B4GALNT1: variants seen among roughly 807,000 people sequenced by gnomAD.
B4GALNT1 encodes the protein beta-1,4-N-acetyl-galactosaminyltransferase 1.
A neutral mutation model predicts 55.2 loss-of-function variants in B4GALNT1; 43 were observed. The observed-to-expected ratio is 0.78, with a 90% confidence interval of 0.61 to 1.00. The LOEUF (loss-of-function observed/expected upper bound fraction) is 1.00. Among genes scored for constraint, B4GALNT1 ranks in the 50% least tolerant of loss-of-function variants. The pLI is 0.00. For missense variants in B4GALNT1, 664 were observed against 729.7 expected, an observed-to-expected ratio of 0.91 and a Z score of 1.04; for synonymous variants, 305 against 311.6, an observed-to-expected ratio of 0.98 and a Z score of 0.22.
rs1288802579 is a variant in B4GALNT1 at position 57,629,094 on chromosome 12, G to A, written c.765C>T (p.His255=). 2 of 1,598,692 alleles carry A rather than the reference G, an allele frequency of 1.3e-6. No homozygotes were observed. The highest frequency in any genetic ancestry group is 1.7e-5 in the Admixed American group (1 of 59,192). ...GTGGGTACAGCCGAGGGTTGGGCGG[G>A]TGTCTTATGCGGATAGTGAAAGCAG... is the stretch of plus-strand genomic sequence containing the variant. ...HEAAFTIRIR[H]PPNPRLYPPG... Residue 255 remains histidine, a synonymous_variant, in exon 7 of 11, where the codon CAC becomes CAT. Transcript: ENST00000341156.
chr12:57,631,420 C>T, intron 2 of B4GALNT1, 56 bp from the exon 3 acceptor site: 1 of 1,589,116 alleles, frequency 6.3e-7, no homozygotes, highest in Non-Finnish European at 8.6e-7. Flanking sequence ...CTCCATTCAT[C>T]CCATAAACAC....
Position 57,628,188 on chromosome 12 carries a change from G to A in B4GALNT1, c.1077C>T (p.Phe359=), listed in dbSNP as rs541794502. ...CCAGCCGCGTCCGCGCCGTGAAGAC[G>A]AAGTCGTCGTCCACCCACAGCACGT... is the stretch of plus-strand genomic sequence containing the variant. ...TKYVLWVDDD[F]VFTARTRLER... Residue 359 remains phenylalanine, a synonymous_variant, in exon 9 of 11, where the codon TTC becomes TTT. Transcript: ENST00000341156. 6.8e-6 allele frequency: 11 copies of A among 1,614,260 alleles called. No homozygotes were observed. In the East Asian group the frequency reaches 1.8e-4, roughly 26 times the overall value.
Position 57,628,140 on chromosome 12 carries a change from C to T in B4GALNT1, c.1125G>A (p.Glu375=), listed in dbSNP as rs1472179368. The T allele has an allele frequency of 6.2e-7, 1 of 1,614,080 alleles. No homozygotes were observed. Among genetic ancestry groups the T allele is most frequent in the Non-Finnish European group, 8.5e-7 (1 of 1,180,038 alleles). ...TRLERLVDVL[E]RTPLDLVGGA... is the part of the protein sequence containing the mutation. ...GCCCTACCAGGTCCAGCGGCGTCCGCTCCAGCACGTCCACAAGCCTCTCCA... is the reference window on the plus strand; with the variant it reads ...GCCCTACCAGGTCCAGCGGCGTCCGTTCCAGCACGTCCACAAGCCTCTCCA... Residue 375 remains glutamate, a synonymous_variant, in exon 9 of 11, where the codon GAG becomes GAA. Transcript: ENST00000341156.
At position 57,624,631 on chromosome 12, in the gene B4GALNT1, GA is replaced by G. The variant is rs1374378206; in HGVS notation, c.*2112del. 2 of 715,258 alleles carry G rather than the reference GA, an allele frequency of 2.8e-6. No individual in the cohort carries two copies. Among genetic ancestry groups the G allele is most frequent in the South Asian group, 2.8e-5 (2 of 71,576 alleles). The allele number at this position is 715,258 out of a possible 1,614,324, so 44.3% of individuals were successfully genotyped here. A position where few individuals can be genotyped will look rare whatever the true frequency, so the allele number is the denominator to read the frequency against. On this transcript the variant is annotated 3_prime_UTR_variant, in exon 11 of 11. Coordinates refer to ENST00000341156, the MANE Select transcript of B4GALNT1 (RefSeq NM_001478.5). ...GGTGGGCATAGAGATGAGTGGAGTT[GA>G]GGTCGGGGCAGGGGAAGAGAATGAG...
At position 57,631,942 on chromosome 12, in the gene B4GALNT1, G is replaced by A. The variant is rs764035610; in HGVS notation, c.191C>T (p.Pro64Leu). The change falls in exon 2 of 11, where the codon CCG becomes CTG. Residue 64 changes from proline to leucine, a missense_variant. Transcript: ENST00000341156. ...CACTACTTGCTCCTTGATCCTGACC[G>A]GGATGTGTGCGTAGCGGGGCTCAGG... ...LAPEPRYAHI[P>L]VRIKEQVVGL... 3.5e-6 allele frequency: 5 copies of A among 1,445,578 alleles called. No homozygotes were observed. The African/African-American group carries it at 7.3e-5, about 21-fold the overall frequency. 89.5% of individuals were successfully genotyped at this position (1,445,578 alleles called of 1,614,324 possible).
Position 57,625,079 on chromosome 12 carries a change from C to T in B4GALNT1, c.*1665G>A, listed in dbSNP as rs757486830. 7 of 1,614,076 alleles carry T rather than the reference C, an allele frequency of 4.3e-6. No individual in the cohort carries two copies. The Admixed American group carries it at 1.2e-4, about 27-fold the overall frequency. ...TCCTTGTGCTCAAGGGGTGCATGTTCATGCTGTGTTTCGGGAGTGGTGACT... is the reference window on the plus strand; with the variant it reads ...TCCTTGTGCTCAAGGGGTGCATGTTTATGCTGTGTTTCGGGAGTGGTGACT... On this transcript the variant is annotated 3_prime_UTR_variant, in exon 11 of 11. Transcript: ENST00000341156.
Position 57,626,560 on chromosome 12 carries a change from G to C in B4GALNT1, c.*184C>G, listed in dbSNP as rs1375340486. 3 of 674,650 alleles carry C rather than the reference G, an allele frequency of 4.4e-6. No individual in the cohort carries two copies. The highest frequency in any genetic ancestry group is 7.5e-6 in the Non-Finnish European group (3 of 399,736). 41.8% of individuals were successfully genotyped at this position (674,650 alleles called of 1,614,324 possible). A position where few individuals can be genotyped will look rare whatever the true frequency, so the allele number is the denominator to read the frequency against. ...GGCTCCACCAGGCCTCTGGGCACTGGAAAAAGGAGGGGTGTCACCAGGACA... is the reference window on the plus strand; with the variant it reads ...GGCTCCACCAGGCCTCTGGGCACTGCAAAAAGGAGGGGTGTCACCAGGACA... On this transcript the variant is annotated 3_prime_UTR_variant, in exon 11 of 11. Transcript: ENST00000341156.
chr12:57,630,543 A>G, intron 4 of B4GALNT1, 25 bp from the exon 5 acceptor site: 1 of 1,591,390 alleles, frequency 6.3e-7, no homozygotes, highest in Non-Finnish European at 8.5e-7. Flanking sequence ...TGGGGGGATC[A>G]GAATCACATA....
chr12:57,628,674 G>C, intron 8 of B4GALNT1, 39 bp downstream of exon 8: 3 of 1,611,298 alleles, frequency 1.9e-6, no homozygotes, highest in Non-Finnish European at 2.5e-6. Context: ...CCCCCTGCGG[G>C]AGTCCTCTGG....
rs1191202014 is a variant in B4GALNT1 at position 57,626,862 on chromosome 12, T to C, written c.1484A>G (p.Asp495Gly). ...SKLKLPWTSR[D>G]AGAETYARYR... Reference sequence around the variant, plus strand: ...CCGGGCGTAAGTCTCTGCTCCGGCATCCCTTGATGTCCAAGGCAGCTTCAG... The same window carrying C: ...CCGGGCGTAAGTCTCTGCTCCGGCACCCCTTGATGTCCAAGGCAGCTTCAG... The change falls in exon 11 of 11, where the codon GAT (aspartate) becomes GGT (glycine). Residue 495 changes from aspartate to glycine, a missense_variant. Transcript: ENST00000341156. 4 of 1,613,988 alleles carry C rather than the reference T, an allele frequency of 2.5e-6. No individual in the cohort carries two copies. The highest frequency in any genetic ancestry group is 3.4e-6 in the Non-Finnish European group (4 of 1,180,030).
rs761928050 is a variant in B4GALNT1 at position 57,627,623 on chromosome 12, T to C, written c.1379A>G (p.His460Arg). 6.3e-7 allele frequency: 1 copy of C among 1,592,156 alleles called. No individual in the cohort carries two copies. Among genetic ancestry groups the C allele is most frequent in the African/African-American group, 1.3e-5 (1 of 74,678 alleles). Residue 460 changes from histidine to arginine, a missense_variant, in exon 10 of 11, where the codon CAT becomes CGT. Physicochemically the swap from His to Arg is conservative, Grantham distance 29 (BLOSUM62 0). Transcript: ENST00000341156. ...GFDPRLSRVA[H>R]LEFFLDGLGS... ...CGGGAGGGGGTGCCACTCACCCAGATGAGCCACGCGGCTGAGGCGGGGGTC... is the reference window on the plus strand; with the variant it reads ...CGGGAGGGGGTGCCACTCACCCAGACGAGCCACGCGGCTGAGGCGGGGGTC...
chr12:57,629,109 A>G lies in B4GALNT1; in HGVS notation c.750T>C (p.Thr250=), dbSNP rs1402350513. 1.3e-6 allele frequency: 2 copies of G among 1,599,058 alleles called. No homozygotes were observed. Among genetic ancestry groups the G allele is most frequent in the Non-Finnish European group, 1.7e-6 (2 of 1,168,966 alleles). The change falls in exon 7 of 11, where the codon ACT becomes ACC. Residue 250 remains threonine, a synonymous_variant. Coordinates refer to ENST00000341156, the MANE Select transcript of B4GALNT1 (RefSeq NM_001478.5). ...GGTTGGGCGGGTGTCTTATGCGGATAGTGAAAGCAGCCTCATGTCCCTCGG... is the reference window on the plus strand; with the variant it reads ...GGTTGGGCGGGTGTCTTATGCGGATGGTGAAAGCAGCCTCATGTCCCTCGG... ...FSTEGHEAAF[T]IRIRHPPNPR... is the part of the protein sequence containing the mutation.
At chr12:57,630,613 T>G in intron 4 of B4GALNT1, 95 bp from the exon 5 acceptor site, 1 of 1,376,530 alleles carries the variant, frequency 7.3e-7, no homozygotes, top group Admixed American at 2.4e-5. Flanking sequence ...AATAGAGAAC[T>G]TTCCACCTAT....
intron 10 of B4GALNT1, 37 bp downstream of exon 10, chr12:57,627,581 C>G (rs770812606): frequency 1.3e-6 from 2 of 1,540,690 alleles, no homozygotes; most frequent in South Asian, 1.2e-5. Flanking sequence ...CCCCGTGGGG[C>G]TCCTGCCAGG....
chr12:57,627,991 A>T, intron 9 of B4GALNT1, 131 bp downstream of exon 9: 1 of 1,483,694 alleles, frequency 6.7e-7, no homozygotes, highest in Non-Finnish European at 8.9e-7. Flanking sequence ...GGACCCAGAC[A>T]GTTCCCAGGC....
rs377186391 is a variant in B4GALNT1 at position 57,631,980 on chromosome 12, C to T, written c.153G>A (p.Leu51=). 248 of 1,456,084 alleles carry T rather than the reference C, an allele frequency of 1.7e-4. No individual in the cohort carries two copies. The highest frequency in any genetic ancestry group is 2.1e-4 in the Non-Finnish European group (233 of 1,104,444). 90.2% of individuals were successfully genotyped at this position (1,456,084 alleles called of 1,614,324 possible). ...APPQSPRRPE[L]PDLAPEPRYA... is the part of the protein sequence containing the mutation. ...AGCGGGGCTCAGGAGCAAGATCTGG[C>T]AGCTCGGGCCTGCGGGGGCTTTGCG... The change falls in exon 2 of 11, where the codon CTG becomes CTA. Residue 51 remains leucine, a synonymous_variant. Coordinates refer to ENST00000341156, the MANE Select transcript of B4GALNT1 (RefSeq NM_001478.5).
rs1361370524 is a variant in B4GALNT1, at chr12:57,631,291, G to A, written c.292C>T (p.Arg98Ter). The A allele has an allele frequency of 3.7e-6, 6 of 1,614,092 alleles. No homozygotes were observed. The highest frequency in any genetic ancestry group is 1.7e-5 in the Admixed American group (1 of 60,028). ...AAGGCCTTGGTGAGGTCAATAGCTC[G>A]GACTTGTTTCTGGAAGGGGAGGGGG... ...GLPLPFQKQV[R>*]AIDLTKAFDP... Residue 98 changes from arginine to a stop codon, truncating the protein, a stop_gained, in exon 3 of 11, where the codon CGA (arginine) becomes TGA (stop). Coordinates refer to ENST00000341156, the MANE Select transcript of B4GALNT1 (RefSeq NM_001478.5). LOFTEE classifies it high-confidence loss of function.
chr12:57,632,670 G>A (rs12811234), intron 1 of B4GALNT1, 102 bp downstream of exon 1: 1 of 190,194 alleles, frequency 5.3e-6, no homozygotes. Flanking sequence ...AGCGGCGCGG[G>A]GGACAGAGTG....
At position 57,632,015 on chromosome 12, in the gene B4GALNT1, A is replaced by C. The variant is rs935908585; in HGVS notation, c.118T>G (p.Trp40Gly). 90 of 1,447,416 alleles carry C rather than the reference A, an allele frequency of 6.2e-5. No homozygotes were observed. The highest frequency in any genetic ancestry group is 7.5e-5 in the Non-Finnish European group (82 of 1,099,844). 89.7% of individuals were successfully genotyped at this position (1,447,416 alleles called of 1,614,324 possible). A position where few individuals can be genotyped will look rare whatever the true frequency, so the allele number is the denominator to read the frequency against. ...CTGCGGGGGCTTTGCGGGGGCGCCC[A>C]CGGCGCAAGAGGTAGCCGGAGGCCG... The part of the protein sequence containing the change: ...APGLRLPLAP[W>G]APPQSPRRPE... Residue 40 changes from tryptophan to glycine, a missense_variant, in exon 2 of 11, where the codon TGG becomes GGG. Coordinates refer to ENST00000341156, the MANE Select transcript of B4GALNT1 (RefSeq NM_001478.5).
Sources: gnomAD v4.1 joint callset for allele counts on GRCh38, gnomAD v4.1.1 for gene constraint, MANE v1.5 for transcripts, NCBI Gene and HGNC (gene_info 2026-07-23, HGNC 2026-07-21) for gene names.